Variants in CUX1 observed in about 807,000 individuals in gnomAD.
The protein encoded by CUX1 is protein CASP.
CUX1 carries 31 observed loss-of-function variants against 158.8 expected under a neutral mutation model. The observed-to-expected ratio is 0.20, with a 90% CI of 0.15 to 0.26. CUX1 has a LOEUF of 0.26. Ranked by LOEUF, CUX1 falls within the 10% of genes least tolerant of loss-of-function variation. The pLI is 1.00. For synonymous variants in CUX1, 879 were observed against 862.1 expected (o/e 1.02, Z -0.34); for missense variants, 1,589 against 2,014.6 (o/e 0.79, Z 4.04).
chr7:102,194,052 T>C lies in CUX1; in HGVS notation c.1125+162T>C. On this transcript the variant is annotated intron_variant, in intron 13 of 23. Coordinates refer to ENST00000292535, the MANE Select transcript of CUX1 (RefSeq NM_181552.4). ...TTTAACCAAGTTGAAGCAAATTATC[T>C]TTTTTTTTTTGTCTCCTTTTTTTCC... 3 of 317,950 alleles carry C rather than the reference T, an allele frequency of 9.4e-6. No individual in the cohort carries two copies. In the South Asian group the frequency reaches 1.7e-4, roughly 18 times the overall value. 19.7% of individuals were successfully genotyped at this position (317,950 alleles called of 1,614,324 possible).
At chr7:101,975,201 C>T (rs1344019807) in intron 2 of CUX1, among the ~76,000 whole-genome samples, 2 of 151,560 alleles carry the variant, frequency 1.3e-5, no homozygotes, top group Non-Finnish European at 2.9e-5. Context: ...CAGTGAGTCG[C>T]GATTGTGCCA....
intron 4 of CUX1, among the ~76,000 whole-genome samples, chr7:102,071,111 C>T (rs1826084062): frequency 6.6e-6 from 1 of 151,972 alleles, no homozygotes; most frequent in African/African-American, 2.4e-5. Context: ...CCACCACATT[C>T]AGCTAATTTT....
intron 2 of CUX1, among the ~76,000 whole-genome samples, chr7:101,999,266 G>A (rs1024471090): frequency 1.6e-5 from 2 of 121,966 alleles, no homozygotes; most frequent in Admixed American, 2.2e-4. Context: ...TTGTTGCCCA[G>A]GCTGGTCTCA....
At chr7:102,173,237 A>G (rs1226098815) in intron 10 of CUX1, among the ~76,000 whole-genome samples, 4 of 151,406 alleles carry the variant, frequency 2.6e-5, no homozygotes, top group Admixed American at 2.0e-4. Context: ...GTGGGCGCCT[A>G]TAATCCCAGC....
At chr7:102,279,918 G>A in intron 18 of CUX1, 2 of 696,852 alleles carry the variant, frequency 2.9e-6, no homozygotes, top group Non-Finnish European at 5.1e-6. Flanking sequence ...TGAGATCTAG[G>A]GCTCCCTCCC....
intron 8 of CUX1, among the ~76,000 whole-genome samples, chr7:102,128,187 G>C (rs1218980236): frequency 6.6e-6 from 1 of 152,204 alleles, no homozygotes; most frequent in Non-Finnish European, 1.5e-5. Flanking sequence ...AGACAAGAGC[G>C]TTTGGAAGCC....
intron 7 of CUX1, among the ~76,000 whole-genome samples, chr7:102,113,676 G>A (rs886715841): frequency 2.0e-5 from 3 of 152,150 alleles, no homozygotes; most frequent in East Asian, 1.9e-4. Flanking sequence ...TCCTGCCTCA[G>A]CCTCCCAAGT....
chr7:101,959,173 T>C (rs1810144616), intron 2 of CUX1, among the ~76,000 whole-genome samples: 2 of 151,966 alleles, frequency 1.3e-5, no homozygotes, highest in Non-Finnish European at 2.9e-5. Context: ...GGATGGTGCC[T>C]ATAGATTCAG....
At chr7:102,072,088 C>T (rs887395885) in intron 4 of CUX1, among the ~76,000 whole-genome samples, 6 of 152,064 alleles carry the variant, frequency 3.9e-5, no homozygotes, top group African/African-American at 1.4e-4. Context: ...AGGTTCTTGG[C>T]GTTTTGAGCA....
intron 10 of CUX1, 86 bp downstream of exon 10, chr7:102,170,636 G>T: frequency 2.2e-6 from 2 of 927,982 alleles, no homozygotes; most frequent in Non-Finnish European, 3.3e-6. Context: ...TTTGTTTTCA[G>T]CATCTCTTTT....
chr7:101,968,254 T>G (rs1187424250), intron 2 of CUX1, among the ~76,000 whole-genome samples: 1 of 152,094 alleles, frequency 6.6e-6, no homozygotes, highest in Non-Finnish European at 1.5e-5. Flanking sequence ...AAAAGTTAAT[T>G]GTGGGGTGGG....
intron 8 of CUX1, among the ~76,000 whole-genome samples, chr7:102,131,577 A>G (rs1417739308): frequency 6.6e-6 from 1 of 152,008 alleles, no homozygotes; most frequent in Non-Finnish European, 1.5e-5. Context: ...AAATGGTAGA[A>G]TAACAAGCCA....
chr7:102,056,382 G>A (rs1824128461), intron 3 of CUX1, among the ~76,000 whole-genome samples: 2 of 152,124 alleles, frequency 1.3e-5, no homozygotes, highest in Non-Finnish European at 1.5e-5. Flanking sequence ...TAATGCAGCT[G>A]GTGACTTGAA....
At chr7:101,998,065 T>C (rs956849956) in intron 2 of CUX1, among the ~76,000 whole-genome samples, 11 of 152,162 alleles carry the variant, frequency 7.2e-5, no homozygotes, top group African/African-American at 2.4e-4. Flanking sequence ...TGGAACTGTG[T>C]ATCCTGCTGC....
chr7:102,025,484 C>T (rs1819896539), intron 2 of CUX1, among the ~76,000 whole-genome samples: 2 of 151,672 alleles, frequency 1.3e-5, no homozygotes, highest in Non-Finnish European at 2.9e-5. Context: ...AAAAACTAGC[C>T]GGGTGTGGTG....
At chr7:102,160,040 G>A (rs533614703) in intron 9 of CUX1, among the ~76,000 whole-genome samples, 2 of 151,998 alleles carry the variant, frequency 1.3e-5, no homozygotes, top group Non-Finnish European at 2.9e-5. Flanking sequence ...AATTAGCCGG[G>A]TGCGGTGACA....
intron 8 of CUX1, among the ~76,000 whole-genome samples, chr7:102,136,887 C>G (rs1185742828): frequency 3.3e-5 from 5 of 152,138 alleles, no homozygotes; most frequent in Non-Finnish European, 7.4e-5. Flanking sequence ...TGAGACAGAT[C>G]TTTTATTTCA....
At chr7:101,901,504 A>C (rs922170140) in intron 1 of CUX1, among the ~76,000 whole-genome samples, 18 of 152,104 alleles carry the variant, frequency 1.2e-4, no homozygotes, top group African/African-American at 4.1e-4. Context: ...CATGTTGGCC[A>C]GGCTGGTCTC....
upstream of CUX1, chr7:101,817,440 G>T (rs982947736): frequency 1.0e-6 from 1 of 984,286 alleles, no homozygotes; most frequent in Admixed American, 6.2e-5. This position sits in a 1 kb window ranked among gnomAD's most constrained non-coding sequence, Gnocchi z 4.1. Flanking sequence ...CCGGGCGGTG[G>T]TCCGCGCGCG....
Sources: gnomAD v4.1 joint callset for allele counts (sites outside exome capture counted in the v4.1 genomes callset) on GRCh38, gnomAD v4.1.1 for gene constraint, Gnocchi (gnomAD v3.1) non-coding constraint, MANE v1.5 for transcripts, NCBI Gene and HGNC (gene_info 2026-07-23, HGNC 2026-07-21) for gene names.